SDAD1: variants seen among roughly 807,000 people sequenced by gnomAD.
The protein encoded by SDAD1 is protein SDA1 homolog.
In SDAD1, 79 loss-of-function variants were observed where a neutral mutation model predicts 100.3. That is an observed-to-expected ratio of 0.79 (90% CI 0.66 to 0.95). The LOEUF (loss-of-function observed/expected upper bound fraction) is 0.95, where lower values mean the gene tolerates loss of function less well. Ranked by LOEUF, SDAD1 falls within the 40% of genes least tolerant of loss-of-function variation. SDAD1 has a pLI of 0.00. For missense variants in SDAD1, 790 were observed against 810.9 expected, an observed-to-expected ratio of 0.97 and a Z score of 0.31; for synonymous variants, 267 against 271.4, an observed-to-expected ratio of 0.98 and a Z score of 0.16.
At chr4:75,965,575 C>G (rs974871683) in intron 13 of SDAD1, among the ~76,000 whole-genome samples, 189 bp downstream of exon 13, 2 of 152,112 alleles carry the variant, frequency 1.3e-5, no homozygotes, top group Non-Finnish European at 2.9e-5. Context: ...GATGTCTCCC[C>G]TGGACGCCCA....
In SDAD1 at chr4:75,967,348, AC is replaced by A. The variant is rs768016531; in HGVS notation, c.988-15del. 1 of 1,612,730 alleles carries A rather than the reference AC, an allele frequency of 6.2e-7. No homozygotes were observed. The highest frequency in any genetic ancestry group is 1.1e-5 in the South Asian group (1 of 90,944). On this transcript the variant is annotated splice_polypyrimidine_tract_variant and intron_variant, in intron 11 of 21. Coordinates refer to ENST00000356260, the MANE Select transcript of SDAD1 (RefSeq NM_018115.4). ...GAAGAGGAAAAGCTGTGGAGAGAAAACCGACTTTAATACTGATGCAGCTGAC... is the reference window on the plus strand; with the variant it reads ...GAAGAGGAAAAGCTGTGGAGAGAAAACGACTTTAATACTGATGCAGCTGAC...
rs145852701 is a variant in SDAD1, at chr4:75,957,864, C to T, written c.1561G>A (p.Glu521Lys). The stretch of plus-strand genomic sequence containing the variant: ...AGACTTACGATTTCTTGCTGTTCTT[C>T]ATCGGAAGAGTGTTGCACATCAATC... ...EWIDVQHSSD[E>K]EQQEISKKLN... Residue 521 changes from glutamate (E) to lysine (K), a missense_variant, in exon 18 of 22, where the codon GAA becomes AAA. Physicochemically the swap from Glu to Lys is moderately conservative, Grantham distance 56. Coordinates refer to ENST00000356260, the MANE Select transcript of SDAD1 (RefSeq NM_018115.4). The T allele has an allele frequency of 2.6e-5, 42 of 1,613,918 alleles. No homozygotes were observed. Among genetic ancestry groups the T allele is most frequent in the Admixed American group, 3.3e-5 (2 of 60,004 alleles).
intron 3 of SDAD1, chr4:75,980,880 C>G (rs4337760): frequency 0.67 from 103,728 of 155,044 alleles, 35,608 homozygotes; most frequent in East Asian, 0.93. Flanking sequence ...ACAGGTACAC[C>G]GGCCTCGTGA....
At chr4:75,974,198 A>C (rs1488402995) in intron 6 of SDAD1, 65 bp from the exon 7 acceptor site, 1 of 1,241,254 alleles carries the variant, frequency 8.1e-7, no homozygotes, top group Non-Finnish European at 1.2e-6. Context: ...AGCACAGACA[A>C]TGGCACAAAA....
intron 1 of SDAD1, among the ~76,000 whole-genome samples, chr4:75,985,682 T>C (rs1446660124): frequency 6.6e-6 from 1 of 152,058 alleles, no homozygotes; most frequent in African/African-American, 2.4e-5. Context: ...TACCCTGACT[T>C]CTCCTCCTCT....
chr4:75,980,572 A>C (rs557808447), intron 3 of SDAD1, among the ~76,000 whole-genome samples: 1 of 145,986 alleles, frequency 6.8e-6, no homozygotes, highest in Non-Finnish European at 1.5e-5. Flanking sequence ...TGATCTCAGA[A>C]AGGAAGTGAA....
chr4:75,957,384 T>A lies in SDAD1; in HGVS notation c.1795A>T (p.Ile599Phe). Residue 599 changes from isoleucine (I) to phenylalanine (F), a missense_variant, in exon 20 of 22, where the codon ATT (isoleucine) becomes TTT (phenylalanine). Ile to Phe is a conservative substitution (Grantham distance 21, BLOSUM62 0). Coordinates refer to ENST00000356260, the MANE Select transcript of SDAD1 (RefSeq NM_018115.4). ...PRGELLSLRD[I>F]ERLHKKPKSD... ...TTTGGCTTTTTATGAAGGCGTTCAA[T>A]GTCCCGAAGAGAAAGTAATTCACCC... 6.2e-7 allele frequency: 1 copy of A among 1,614,176 alleles called. No individual in the cohort carries two copies. Among genetic ancestry groups the A allele is most frequent in the South Asian group, 1.1e-5 (1 of 91,080 alleles).
chr4:75,950,758 T>G lies in SDAD1; in HGVS notation c.2056A>C (p.Met686Leu), dbSNP rs1355243904. 9 of 1,592,584 alleles carry G rather than the reference T, an allele frequency of 5.7e-6. No individual in the cohort carries two copies. The highest frequency in any genetic ancestry group is 7.7e-6 in the Non-Finnish European group (9 of 1,163,130). ...RDALLKKRKRMK is the reference protein window; with the variant it reads ...RDALLKKRKRLK ...GAAAACTTGCCAGGAAGTTACTTCATTCTTTTTCTCTTTTTCAAAAGTGCA... is the reference window on the plus strand; with the variant it reads ...GAAAACTTGCCAGGAAGTTACTTCAGTCTTTTTCTCTTTTTCAAAAGTGCA... Residue 686 changes from methionine (M) to leucine (L), a missense_variant, in exon 22 of 22, where the codon ATG (methionine) becomes CTG (leucine). Physicochemically the swap from Met to Leu is conservative, Grantham distance 15. Transcript: ENST00000356260.
Position 75,982,219 on chromosome 4 carries a change from A to T in SDAD1, c.91-182T>A, listed in dbSNP as rs569433917. The stretch of plus-strand genomic sequence containing the variant: ...ATTCTTCAAAGTGCGCTTTTTAAAG[A>T]CCTGAGCACATCACAGATAATCTAA... On this transcript the variant is annotated intron_variant, in intron 1 of 21. Transcript: ENST00000356260. Among the ~76,000 whole-genome samples the T allele has an allele frequency of 1.4e-4, 21 of 152,346 alleles. No individual in the cohort carries two copies. In the South Asian group the frequency reaches 4.1e-3, roughly 30 times the overall value.
At chr4:75,964,358 A>G (rs1560541621) in intron 13 of SDAD1, 147 bp from the exon 14 acceptor site, 2 of 632,806 alleles carry the variant, frequency 3.2e-6, no homozygotes, top group Non-Finnish European at 5.5e-6. Context: ...AGATTAAGGA[A>G]GACAGAAGAA....
rs1403969747 is a variant in SDAD1 at position 75,990,759 on chromosome 4, A to T, written c.83T>A (p.Ile28Asn). ...NLIKRDPPAY[I>N]EEFLQQYNHY... ...GCCGCGCCGCACTCCCACCTCCTCG[A>T]TGTAGGCCGGCGGGTCTCGCTTGAT... The change falls in exon 1 of 22, where the codon ATC (isoleucine) becomes AAC (asparagine). Residue 28 changes from isoleucine to asparagine, a missense_variant. Transcript: ENST00000356260. 1 of 1,613,940 alleles carries T rather than the reference A, an allele frequency of 6.2e-7. No homozygotes were observed. The highest frequency in any genetic ancestry group is 8.5e-7 in the Non-Finnish European group (1 of 1,179,928).
chr4:75,963,868 T>TA (rs1282992945), intron 14 of SDAD1, among the ~76,000 whole-genome samples: 1 of 152,200 alleles, frequency 6.6e-6, no homozygotes, highest in Non-Finnish European at 1.5e-5. Context: ...GAAAAGCACT[T>TA]AGTTTGCTAA....
At chr4:75,970,277 C>T (rs1729788949) in intron 10 of SDAD1, 32 bp downstream of exon 10, 2 of 1,582,242 alleles carry the variant, frequency 1.3e-6, no homozygotes, top group Non-Finnish European at 1.7e-6. Flanking sequence ...GAGATAAGGC[C>T]AACAAGGAAC....
intron 5 of SDAD1, 28 bp downstream of exon 5, chr4:75,975,896 C>T: frequency 1.2e-6 from 2 of 1,601,424 alleles, no homozygotes; most frequent in Non-Finnish European, 1.7e-6. Context: ...TACAATGCTG[C>T]AAACATGGAA....
At chr4:75,981,579 G>A (rs552221848) in intron 2 of SDAD1, 109 bp from the exon 3 acceptor site, 2 of 1,546,354 alleles carry the variant, frequency 1.3e-6, no homozygotes, top group Non-Finnish European at 1.7e-6. Flanking sequence ...ATGTTTCATA[G>A]AAGTAGATGG....
intron 3 of SDAD1, among the ~76,000 whole-genome samples, chr4:75,979,447 T>A (rs1344402176): frequency 2.0e-5 from 3 of 152,028 alleles, no homozygotes; most frequent in African/African-American, 7.2e-5. Context: ...ATCCTTTATC[T>A]CCTAGTAAAG....
intron 9 of SDAD1, 81 bp from the exon 10 acceptor site, chr4:75,970,459 A>T (rs1046745595): frequency 1.9e-5 from 20 of 1,053,344 alleles, no homozygotes; most frequent in Non-Finnish European, 2.9e-5. Flanking sequence ...TAAGGCTGTT[A>T]TAAGTCCATT....
chr4:75,985,177 C>G (rs1310585293), intron 1 of SDAD1, among the ~76,000 whole-genome samples: 2 of 152,084 alleles, frequency 1.3e-5, no homozygotes, highest in Admixed American at 1.3e-4. Context: ...TCATTACACC[C>G]TTTATGTGCA....
rs375954336 is a variant in SDAD1, at chr4:75,965,813, T to C, written c.1055A>G (p.Lys352Arg). The C allele has an allele frequency of 2.5e-6, 4 of 1,613,540 alleles. No individual in the cohort carries two copies. Among genetic ancestry groups the C allele is most frequent in the Non-Finnish European group, 3.4e-6 (4 of 1,179,702 alleles). ...FLQPHQREVTKILLFAAQASH... is the reference protein window; with the variant it reads ...FLQPHQREVTRILLFAAQASH... ...TGCTTGTGCAGCAAACAGAAGGATC[T>C]TGGTTACTTCTGAAAACATAAGAGA... Residue 352 changes from lysine (K) to arginine (R), a missense_variant, in exon 13 of 22, where the codon AAG becomes AGG. Physicochemically the swap from Lys to Arg is conservative, Grantham distance 26. Transcript: ENST00000356260.
Sources: gnomAD v4.1 joint callset for allele counts (sites outside exome capture counted in the v4.1 genomes callset) on GRCh38, gnomAD v4.1.1 for gene constraint, MANE v1.5 for transcripts, NCBI Gene and HGNC (gene_info 2026-07-23, HGNC 2026-07-21) for gene names.